Variants in CD58 observed in about 807,000 individuals in gnomAD.
The protein encoded by CD58 is CD58 molecule, also known as lymphocyte function-associated antigen 3.
A neutral mutation model predicts 27.6 loss-of-function variants in CD58; 14 were observed. The ratio of observed to expected loss-of-function variants is 0.51; its 90% CI spans 0.34 to 0.79. The LOEUF (loss-of-function observed/expected upper bound fraction) is 0.79. CD58 is among the 30% of genes least tolerant of loss of function. The pLI, the probability that CD58 is intolerant of heterozygous loss-of-function variation, is 0.02. For synonymous variants in CD58, 117 were observed against 103.8 expected (o/e 1.13, Z -0.77); for missense variants, 268 against 301.7 (o/e 0.89, Z 0.83).
rs998082729 is a variant in CD58 at position 116,524,489 on chromosome 1, C to T, written c.629-2506G>A. Among the ~76,000 whole-genome samples, 2 of 152,146 alleles carry T rather than the reference C, an allele frequency of 1.3e-5. No individual in the cohort carries two copies. Among genetic ancestry groups the T allele is most frequent in the Admixed American group, 1.3e-4 (2 of 15,284 alleles). On this transcript the variant is annotated intron_variant, in intron 3 of 5. Coordinates refer to ENST00000369489, the MANE Select transcript of CD58 (RefSeq NM_001779.3). This position sits in a 1 kb window ranked among gnomAD's most constrained non-coding sequence, Gnocchi z 4.6. Reference sequence around the variant, plus strand: ...GGGTCATGCTGGCATTATGCTGAACCCTATTAAGCTGCCAAGATTCAATGG... The same window carrying T: ...GGGTCATGCTGGCATTATGCTGAACTCTATTAAGCTGCCAAGATTCAATGG...
chr1:116,560,633 A>G (rs921377535), intron 1 of CD58, among the ~76,000 whole-genome samples: 5 of 152,250 alleles, frequency 3.3e-5, no homozygotes, highest in Non-Finnish European at 2.9e-5. Flanking sequence ...CAGACTGGTC[A>G]GCCCAGTGGA....
chr1:116,567,325 A>G (rs967810376), intron 1 of CD58, among the ~76,000 whole-genome samples: 2 of 150,664 alleles, frequency 1.3e-5, no homozygotes, highest in African/African-American at 4.9e-5. Context: ...GGGTGGGGGA[A>G]GAAAATTACC....
In CD58 at chr1:116,541,782, G is replaced by A. The variant is rs1657996222; in HGVS notation, c.364+2529C>T. ...CATAAGGAGCTCGGCGGGGTACTCTGGGCTAGAGCTCTAGATCTGTACATT... is the reference window on the plus strand; with the variant it reads ...CATAAGGAGCTCGGCGGGGTACTCTAGGCTAGAGCTCTAGATCTGTACATT... On this transcript the variant is annotated intron_variant, in intron 2 of 5. Transcript: ENST00000369489. The surrounding 1 kb of genome is among the most constrained non-coding windows in gnomAD (Gnocchi z 5.3). Among the ~76,000 whole-genome samples, 1 of 152,126 alleles carries A rather than the reference G, an allele frequency of 6.6e-6. No individual in the cohort carries two copies. The highest frequency in any genetic ancestry group is 2.1e-4 in the South Asian group (1 of 4,830).
intron 5 of CD58, 33 bp from the exon 6 acceptor site, chr1:116,514,855 A>C (rs529072925): frequency 6.6e-7 from 1 of 1,523,158 alleles, no homozygotes. Context: ...TAACTTGTAA[A>C]ATGCAGTAAA....
At chr1:116,560,069 A>C (rs917510397) in intron 1 of CD58, 79 of 153,388 alleles carry the variant, frequency 5.2e-4, no homozygotes, top group African/African-American at 1.8e-3. Flanking sequence ...GCCATTAAAA[A>C]AAAATAGCAA....
At chr1:116,539,172 A>G (rs1467177027) in intron 2 of CD58, among the ~76,000 whole-genome samples, 2 of 152,188 alleles carry the variant, frequency 1.3e-5, no homozygotes, top group Admixed American at 6.5e-5. Flanking sequence ...TACTTAACAA[A>G]TGCTAGCTGT....
chr1:116,518,045 TTAATA>T (rs1557831146), intron 5 of CD58, among the ~76,000 whole-genome samples: 1 of 152,348 alleles, frequency 6.6e-6, no homozygotes, highest in East Asian at 1.9e-4. Flanking sequence ...TGTACTTATA[TTAATA>T]TATTTTGACA....
chr1:116,522,099 CA>C lies in CD58; in HGVS notation c.629-117del. 1 of 594,696 alleles carries C rather than the reference CA, an allele frequency of 1.7e-6. No individual in the cohort carries two copies. Among genetic ancestry groups the C allele is most frequent in the Non-Finnish European group, 3.1e-6 (1 of 326,460 alleles). 36.8% of individuals were successfully genotyped at this position (594,696 alleles called of 1,614,324 possible). A position where few individuals can be genotyped will look rare whatever the true frequency, so the allele number is the denominator to read the frequency against. The stretch of plus-strand genomic sequence containing the variant: ...TTTACTGAAATTTATTTGTAATCCA[CA>C]AATCAATACCCAAAGCAGTCATTCT... On this transcript the variant is annotated intron_variant, in intron 3 of 5. Coordinates refer to ENST00000369489, the MANE Select transcript of CD58 (RefSeq NM_001779.3). The surrounding 1 kb of genome is among the most constrained non-coding windows in gnomAD (Gnocchi z 4.6).
At chr1:116,526,140 G>A (rs1657424987) in intron 3 of CD58, among the ~76,000 whole-genome samples, 1 of 152,166 alleles carries the variant, frequency 6.6e-6, no homozygotes, top group South Asian at 2.1e-4. Flanking sequence ...CTCCCAGTCT[G>A]TGGCTTGGCT....
rs1338937931 is a variant in CD58 at position 116,570,023 on chromosome 1, T to C, written c.70+880A>G. Among the ~76,000 whole-genome samples the C allele has an allele frequency of 6.6e-6, 1 of 152,198 alleles. No homozygotes were observed. Among genetic ancestry groups the C allele is most frequent in the Non-Finnish European group, 1.5e-5 (1 of 68,032 alleles). On this transcript the variant is annotated intron_variant, in intron 1 of 5. Coordinates refer to ENST00000369489, the MANE Select transcript of CD58 (RefSeq NM_001779.3). The surrounding 1 kb of genome is among the most constrained non-coding windows in gnomAD (Gnocchi z 6.4). ...CACCTCCCGGGCAGGCAGCGGACGC[T>C]GAGCAAACGGACGGACGGGCTGGAG...
In CD58 at chr1:116,553,472, T is replaced by C. The variant is rs138772032; in HGVS notation, c.71-8868A>G. On this transcript the variant is annotated intron_variant, in intron 1 of 5. Transcript: ENST00000369489. The stretch of plus-strand genomic sequence containing the variant: ...GGGAGGTAAAACTGGGAGAACTAGA[T>C]GATTGACAGCATATGGGGTAAAGGA... Among the ~76,000 whole-genome samples the C allele has an allele frequency of 1.6e-3, 238 of 152,222 alleles. 1 individual carries two copies. The highest frequency in any genetic ancestry group is 5.5e-3 in the African/African-American group (229 of 41,536).
chr1:116,567,385 C>T lies in CD58; in HGVS notation c.70+3518G>A, dbSNP rs188655327. On this transcript the variant is annotated intron_variant, in intron 1 of 5. Coordinates refer to ENST00000369489, the MANE Select transcript of CD58 (RefSeq NM_001779.3). Reference sequence around the variant, plus strand: ...ATGTGGTGGTTCATGCCTGTAATCCCAACACTTCGGTAGGCCAAGGAGGGA... The same window carrying T: ...ATGTGGTGGTTCATGCCTGTAATCCTAACACTTCGGTAGGCCAAGGAGGGA... Among the ~76,000 whole-genome samples the T allele has an allele frequency of 7.7e-4, 117 of 151,896 alleles. 1 individual carries two copies. The highest frequency in any genetic ancestry group is 2.7e-3 in the African/African-American group (111 of 41,420).
chr1:116,534,022 G>A lies in CD58; in HGVS notation c.628+1943C>T, dbSNP rs1557835627. ...CATCACCTGATCCGTGAGCTTTTCC[G>A]TCTTACTTGCATTTTTAGCAGCTTC... On this transcript the variant is annotated intron_variant, in intron 3 of 5. Transcript: ENST00000369489. This position sits in a 1 kb window ranked among gnomAD's most constrained non-coding sequence, Gnocchi z 5.3. 7 of 1,257,532 alleles carry A rather than the reference G, an allele frequency of 5.6e-6. No homozygotes were observed. Among genetic ancestry groups the A allele is most frequent in the African/African-American group, 4.4e-5 (3 of 67,640 alleles). The allele number at this position is 1,257,532 out of a possible 1,614,324, so 77.9% of individuals were successfully genotyped here. A position where few individuals can be genotyped will look rare whatever the true frequency, so the allele number is the denominator to read the frequency against.
chr1:116,525,751 T>G (rs1306587995), intron 3 of CD58, among the ~76,000 whole-genome samples: 1 of 152,208 alleles, frequency 6.6e-6, no homozygotes, highest in Non-Finnish European at 1.5e-5. Context: ...ATTTCATTGT[T>G]GTCTTAGTTT....
chr1:116,528,460 T>C lies in CD58; in HGVS notation c.629-6477A>G, dbSNP rs982102411. ...CAGCTATGAAAGAAAGATCATCTAG[T>C]TGAACTCAGAACAATGTTTGTTCTA... On this transcript the variant is annotated intron_variant, in intron 3 of 5. Transcript: ENST00000369489. The surrounding 1 kb of genome is among the most constrained non-coding windows in gnomAD (Gnocchi z 4.4). Among the ~76,000 whole-genome samples, 1 of 152,216 alleles carries C rather than the reference T, an allele frequency of 6.6e-6. No individual in the cohort carries two copies. The highest frequency in any genetic ancestry group is 1.9e-4 in the East Asian group (1 of 5,202).
intron 5 of CD58, among the ~76,000 whole-genome samples, chr1:116,518,039 C>T (rs1657140695): frequency 6.6e-6 from 1 of 152,122 alleles, no homozygotes; most frequent in African/African-American, 2.4e-5. Context: ...AAGCATTGTA[C>T]TTATATTAAT....
In CD58 at chr1:116,563,276, G is replaced by A. The variant is rs1464347830; in HGVS notation, c.70+7627C>T. Among the ~76,000 whole-genome samples, 1 of 152,068 alleles carries A rather than the reference G, an allele frequency of 6.6e-6. No individual in the cohort carries two copies. ...TGGGCAGCTCTTCCCCTGTGGCTTT[G>A]CAGGGTACAGCCATCCTCCTGGCTG... On this transcript the variant is annotated intron_variant, in intron 1 of 5. Transcript: ENST00000369489. This position sits in a 1 kb window ranked among gnomAD's most constrained non-coding sequence, Gnocchi z 4.1.
chr1:116,533,071 C>T, intron 3 of CD58: 2 of 733,998 alleles, frequency 2.7e-6, no homozygotes, highest in Admixed American at 1.8e-5. Context: ...TGTCATCATC[C>T]TTTAAGGCCT....
chr1:116,528,249 A>G lies in CD58; in HGVS notation c.629-6266T>C, dbSNP rs3789716. Reference sequence around the variant, plus strand: ...TTCTTAACATTCTTTATCTCAGTCTACATAATATTATTTCCTATGTTGCAT... The same window carrying G: ...TTCTTAACATTCTTTATCTCAGTCTGCATAATATTATTTCCTATGTTGCAT... On this transcript the variant is annotated intron_variant, in intron 3 of 5. Transcript: ENST00000369489. The surrounding 1 kb of genome is among the most constrained non-coding windows in gnomAD (Gnocchi z 4.4). Among the ~76,000 whole-genome samples, 297 of 152,266 alleles carry G rather than the reference A, an allele frequency of 2.0e-3. 9 individuals carry two copies. In the East Asian group the frequency reaches 0.047, roughly 24 times the overall value.
Sources: gnomAD v4.1 joint callset for allele counts (sites outside exome capture counted in the v4.1 genomes callset) on GRCh38, gnomAD v4.1.1 for gene constraint, Gnocchi (gnomAD v3.1) non-coding constraint, MANE v1.5 for transcripts, NCBI Gene and HGNC (gene_info 2026-07-23, HGNC 2026-07-21) for gene names.